The following USP8 variants were observed in gnomAD, a reference collection of about 807,000 sequenced individuals.
USP8 encodes ubiquitin specific peptidase 8.
Under a neutral mutation model 130.0 loss-of-function variants are expected in USP8, and 27 were observed. The observed-to-expected ratio is 0.21, with a 90% CI of 0.15 to 0.29. The LOEUF (loss-of-function observed/expected upper bound fraction) is 0.29. Ranked by LOEUF, USP8 falls within the 10% of genes least tolerant of loss-of-function variation. The probability of loss-of-function intolerance (pLI) is 1.00; values close to 1 mark genes in which losing one functional copy is unlikely to be tolerated. For synonymous variants in USP8, 392 were observed against 444.1 expected, an observed-to-expected ratio of 0.88 and a Z score of 1.48; for missense variants, 1,029 against 1,312.2, an observed-to-expected ratio of 0.78 and a Z score of 3.33.
intron 11 of USP8, among the ~76,000 whole-genome samples, chr15:50,482,475 C>T (rs188587632): frequency 6.6e-4 from 101 of 152,260 alleles, no homozygotes; most frequent in African/African-American, 2.3e-3. Flanking sequence ...AAATCAGTGA[C>T]ATCTAAATGG....
intron 3 of USP8, among the ~76,000 whole-genome samples, chr15:50,447,888 C>T (rs2050495245): frequency 6.6e-6 from 1 of 151,908 alleles, no homozygotes. Flanking sequence ...CAGGCGTGAG[C>T]TACCGTGCCC....
At chr15:50,474,037 C>T (rs1275354073) in intron 8 of USP8, among the ~76,000 whole-genome samples, 4 of 152,066 alleles carry the variant, frequency 2.6e-5, no homozygotes, top group African/African-American at 9.7e-5. Flanking sequence ...ACATATCTTA[C>T]TCTGTTGCCC....
chr15:50,480,268 GT>G (rs1317956973), intron 10 of USP8, among the ~76,000 whole-genome samples: 1 of 152,102 alleles, frequency 6.6e-6, no homozygotes, highest in Non-Finnish European at 1.5e-5. Context: ...AACTTAGGTA[GT>G]TTATTACACA....
chr15:50,473,067 A>G (rs1439202484), intron 8 of USP8, among the ~76,000 whole-genome samples: 1 of 152,268 alleles, frequency 6.6e-6, no homozygotes, highest in Middle Eastern at 3.2e-3. Flanking sequence ...ACAGATAGCC[A>G]TGAACAGAAA....
rs764671079 is a variant in USP8 at position 50,501,633 on chromosome 15, A to G, written c.*2545A>G. The stretch of plus-strand genomic sequence containing the variant: ...TGTAGCAACAACCCCTCAATCCCCC[A>G]TAGGGTACAAAAAATAATGTATCTC... On this transcript the variant is annotated 3_prime_UTR_variant, in exon 20 of 20. Coordinates refer to ENST00000307179, the MANE Select transcript of USP8 (RefSeq NM_005154.5). 2 of 151,996 alleles carry G rather than the reference A, an allele frequency of 1.3e-5. No individual in the cohort carries two copies. The highest frequency in any genetic ancestry group is 2.1e-4 in the South Asian group (1 of 4,824). 9.4% of individuals were successfully genotyped at this position (151,996 alleles called of 1,614,324 possible).
chr15:50,449,148 AC>A (rs1219816781), intron 3 of USP8, among the ~76,000 whole-genome samples: 4 of 152,222 alleles, frequency 2.6e-5, no homozygotes, highest in African/African-American at 9.6e-5. Context: ...ATACTTTTTA[AC>A]AGAGACTTAC....
intron 5 of USP8, among the ~76,000 whole-genome samples, chr15:50,459,779 AC>A (rs2050920036): frequency 6.6e-6 from 1 of 152,038 alleles, no homozygotes; most frequent in Admixed American, 6.6e-5. Context: ...CTATGTCAAA[AC>A]TTTTTTAACC....
chr15:50,471,040 G>A (rs982569020), intron 7 of USP8, among the ~76,000 whole-genome samples: 2 of 152,152 alleles, frequency 1.3e-5, no homozygotes, highest in African/African-American at 2.4e-5. Context: ...TTTAATTCTG[G>A]CTCCACTTAC....
At chr15:50,457,028 A>G (rs1169550111) in intron 4 of USP8, among the ~76,000 whole-genome samples, 1 of 152,274 alleles carries the variant, frequency 6.6e-6, no homozygotes, top group African/African-American at 2.4e-5. Context: ...CTAAAGATGT[A>G]ATTCTTGCTA....
rs1031136740 is a variant in USP8, at chr15:50,457,332, T to G, written c.336-1668T>G. ...CAGCCTTTTGGGAGGCCGAGGCAGG[T>G]GGATCACCTGAGGTCAGGAGTTCGA... On this transcript the variant is annotated intron_variant, in intron 4 of 19. Coordinates refer to ENST00000307179, the MANE Select transcript of USP8 (RefSeq NM_005154.5). 5.9e-5 allele frequency among the ~76,000 whole-genome samples: 9 copies of G among 152,022 alleles called. No homozygotes were observed. In the South Asian group the frequency reaches 1.9e-3, roughly 32 times the overall value.
intron 12 of USP8, among the ~76,000 whole-genome samples, chr15:50,488,552 CTTTTTTTTTTTTT>C (rs397853938): frequency 5.1e-4 from 36 of 70,940 alleles, no homozygotes; most frequent in African/African-American, 1.7e-3. Context: ...TCAAGGTTGG[CTTTTTTTTTTTTT>C]TTTTTTTTTT....
In USP8 at chr15:50,514,257, G is replaced by A. The variant is rs79234630; in HGVS notation, c.*15169G>A. On this transcript the variant is annotated 3_prime_UTR_variant, in exon 20 of 20. Transcript: ENST00000307179. The stretch of plus-strand genomic sequence containing the variant: ...CAGAAGTCAGTGGTTTTCCAGACTC[G>A]AAGGCAGGTACAAGCACAGTTAGGG... 2.0e-5 allele frequency: 3 copies of A among 152,146 alleles called. No homozygotes were observed. Among genetic ancestry groups the A allele is most frequent in the East Asian group, 3.8e-4 (2 of 5,200 alleles). 9.4% of individuals were successfully genotyped at this position (152,146 alleles called of 1,614,324 possible). A position where few individuals can be genotyped will look rare whatever the true frequency, so the allele number is the denominator to read the frequency against.
chr15:50,465,052 A>G lies in USP8; in HGVS notation c.547A>G (p.Ile183Val), dbSNP rs760025344. The G allele has an allele frequency of 3.6e-5, 58 of 1,613,672 alleles. No homozygotes were observed. Among genetic ancestry groups the G allele is most frequent in the African/African-American group, 9.3e-5 (7 of 74,910 alleles). ...CTGTCTCTCTCAATTCCAAGGAGCA[A>G]TCACAGCAAAGGAACTATACACAAT... is the stretch of plus-strand genomic sequence containing the variant. Reference protein sequence around the residue: ...EKCETKEKGAITAKELYTMMT... With the variant: ...EKCETKEKGAVTAKELYTMMT... Residue 183 changes from isoleucine (I) to valine (V), a missense_variant, in exon 7 of 20, where the codon ATC becomes GTC. Physicochemically the swap from Ile to Val is conservative, Grantham distance 29 (BLOSUM62 3). Coordinates refer to ENST00000307179, the MANE Select transcript of USP8 (RefSeq NM_005154.5).
chr15:50,459,321 C>T (rs1442392998), intron 5 of USP8, among the ~76,000 whole-genome samples, 159 bp downstream of exon 5: 3 of 152,152 alleles, frequency 2.0e-5, no homozygotes, highest in Non-Finnish European at 2.9e-5. Flanking sequence ...CGGTGGCTCA[C>T]GCCTGTAATC....
At chr15:50,472,421 C>G (rs1166369652) in intron 8 of USP8, among the ~76,000 whole-genome samples, 2 of 149,880 alleles carry the variant, frequency 1.3e-5, no homozygotes, top group East Asian at 4.0e-4. Flanking sequence ...CAGTGAAACC[C>G]CATCTCTACT....
At chr15:50,447,226 G>T (rs1263946409) in intron 3 of USP8, among the ~76,000 whole-genome samples, 3 of 152,100 alleles carry the variant, frequency 2.0e-5, no homozygotes, top group Non-Finnish European at 4.4e-5. Context: ...TTATGGGAAT[G>T]AATTATTTAC....
intron 3 of USP8, among the ~76,000 whole-genome samples, chr15:50,445,767 G>A (rs552853504): frequency 7.3e-5 from 11 of 149,808 alleles, no homozygotes; most frequent in Middle Eastern, 3.5e-3. Context: ...CGAGGCAGGC[G>A]AATTGCTTGA....
chr15:50,498,874 GAT>G, intron 19 of USP8, 27 bp from the exon 20 acceptor site: 2 of 1,564,466 alleles, frequency 1.3e-6, no homozygotes, highest in South Asian at 2.4e-5. Flanking sequence ...TAACTGAATT[GAT>G]TTTTTTTTCT....
Position 50,477,420 on chromosome 15 carries a change from C to T in USP8, c.1139C>T (p.Pro380Leu). 1 of 1,614,096 alleles carries T rather than the reference C, an allele frequency of 6.2e-7. No individual in the cohort carries two copies. Among genetic ancestry groups the T allele is most frequent in the Non-Finnish European group, 8.5e-7 (1 of 1,180,034 alleles). Residue 380 changes from proline to leucine, a missense_variant, in exon 10 of 20, where the codon CCA (proline) becomes CTA (leucine). Transcript: ENST00000307179. ...ERMGPLNIST[P>L]VEPVAASKSD... ...ATGGGACCACTGAATATATCAACTCCAGTTGAACCAGTTGCTGCTTCTAAA... is the reference window on the plus strand; with the variant it reads ...ATGGGACCACTGAATATATCAACTCTAGTTGAACCAGTTGCTGCTTCTAAA...
Sources: allele counts gnomAD v4.1 joint callset (sites outside exome capture counted in the v4.1 genomes callset), GRCh38; gene constraint gnomAD v4.1.1; transcripts MANE v1.5; gene names NCBI Gene and HGNC (gene_info 2026-07-23, HGNC 2026-07-21).